The following BAIAP2 variants were observed in gnomAD, a reference collection of about 807,000 sequenced individuals.
The protein encoded by BAIAP2 is BAR/IMD domain-containing adapter protein 2.
Under a neutral mutation model 63.0 loss-of-function variants are expected in BAIAP2, and 18 were observed. The observed-to-expected ratio is 0.29, with a 90% CI of 0.20 to 0.42. BAIAP2 has a LOEUF of 0.42. BAIAP2 is among the 10% of genes least tolerant of loss of function. The pLI is 1.00. For synonymous variants in BAIAP2, 386 were observed against 307.6 expected (o/e 1.25, Z -2.67); for missense variants, 610 against 734.3 (o/e 0.83, Z 1.96).
intron 6 of BAIAP2, 97 bp from the exon 7 acceptor site, chr17:81,099,831 G>A (rs965338716): frequency 3.2e-5 from 44 of 1,376,510 alleles, no homozygotes; most frequent in Non-Finnish European, 4.3e-5. Flanking sequence ...GCATGAATGA[G>A]ACGTGTCCTT....
intron 3 of BAIAP2, among the ~76,000 whole-genome samples, chr17:81,069,913 A>G (rs893860274): frequency 6.6e-6 from 1 of 152,162 alleles, no homozygotes; most frequent in Non-Finnish European, 1.5e-5. Context: ...TGTTGTACCC[A>G]GGAAGATTGG....
chr17:81,093,937 C>T (rs2057232533), intron 6 of BAIAP2, among the ~76,000 whole-genome samples: 1 of 151,278 alleles, frequency 6.6e-6, no homozygotes, highest in Admixed American at 6.6e-5. Flanking sequence ...AACCCCTCCC[C>T]CCCACCACCC....
chr17:81,057,969 T>TGGGGGGGGGGGGGGGGGG lies in BAIAP2; in HGVS notation c.217+3_217+4insGGGGGGGGGGGGGGGGGG. 2.1e-6 allele frequency: 2 copies of TGGGGGGGGGGGGGGGGGG among 964,862 alleles called. No homozygotes were observed. The highest frequency in any genetic ancestry group is 2.8e-6 in the Non-Finnish European group (2 of 713,582). The allele number at this position is 964,862 out of a possible 1,614,324, so 59.8% of individuals were successfully genotyped here. A position where few individuals can be genotyped will look rare whatever the true frequency, so the allele number is the denominator to read the frequency against. ...AGAGCCAGGGCTCCAAAGAACTCGG[T>TGGGGGGGGGGGGGGGGGG]GAGACCCCCCCCCCCCCCCCGCCTG... On this transcript the variant is annotated splice_region_variant and intron_variant, in intron 3 of 13. Transcript: ENST00000428708.
chr17:81,115,513 G>A (rs1380844442), intron 13 of BAIAP2, among the ~76,000 whole-genome samples: 1 of 151,586 alleles, frequency 6.6e-6, no homozygotes, highest in Non-Finnish European at 1.5e-5. Context: ...CACACTGCTG[G>A]GAGGGTGATG....
intron 3 of BAIAP2, among the ~76,000 whole-genome samples, chr17:81,069,369 G>A (rs1403698662): frequency 2.0e-5 from 3 of 152,130 alleles, no homozygotes; most frequent in Admixed American, 1.3e-4. Context: ...GAGGGGCGGC[G>A]CTCATGCCAT....
intron 6 of BAIAP2, chr17:81,098,085 G>A (rs2057938484): frequency 3.7e-6 from 5 of 1,335,598 alleles, no homozygotes; most frequent in Non-Finnish European, 4.8e-6. Context: ...GGCCAGCTGG[G>A]GTCATGGAGG....
chr17:81,113,079 T>G (rs1473576857), intron 13 of BAIAP2, among the ~76,000 whole-genome samples: 1 of 152,074 alleles, frequency 6.6e-6, no homozygotes, highest in Non-Finnish European at 1.5e-5. Context: ...ATTTAAAAAT[T>G]AGAAAAGCCA....
At chr17:81,091,271 C>T (rs1568150260) in intron 6 of BAIAP2, among the ~76,000 whole-genome samples, 1 of 148,454 alleles carries the variant, frequency 6.7e-6, no homozygotes, top group Non-Finnish European at 1.5e-5. Context: ...GTCCTGGGGC[C>T]TAGGTTGTCA....
At chr17:81,048,503 GGGAGGAGGT>G (rs2048172608) in intron 1 of BAIAP2, among the ~76,000 whole-genome samples, 1 of 152,176 alleles carries the variant, frequency 6.6e-6, no homozygotes, top group African/African-American at 2.4e-5. Context: ...TCCCCAAGTT[GGGAGGAGGT>G]GGAGATGACG....
In BAIAP2 at chr17:81,046,877, G is replaced by A. The variant is rs904570974; in HGVS notation, c.55-6791G>A. 2.0e-5 allele frequency among the ~76,000 whole-genome samples: 3 copies of A among 152,236 alleles called. No homozygotes were observed. The highest frequency in any genetic ancestry group is 7.2e-5 in the African/African-American group (3 of 41,470). On this transcript the variant is annotated intron_variant, in intron 1 of 13. Coordinates refer to ENST00000428708, the MANE Select transcript of BAIAP2 (RefSeq NM_001144888.2). The surrounding 1 kb of genome is among the most constrained non-coding windows in gnomAD (Gnocchi z 4.5). Reference sequence around the variant, plus strand: ...GCTGTGAGGTCCGTGTCTGTGTGTGGGGTCCTCATGCTGTGGCTGTGGTGG... The same window carrying A: ...GCTGTGAGGTCCGTGTCTGTGTGTGAGGTCCTCATGCTGTGGCTGTGGTGG...
intron 6 of BAIAP2, among the ~76,000 whole-genome samples, chr17:81,097,903 G>A (rs975759740): frequency 1.2e-4 from 19 of 152,320 alleles, no homozygotes; most frequent in Middle Eastern, 3.4e-3. Flanking sequence ...GTTTTGGGAT[G>A]GAAAGTTTCC....
Position 81,057,981 on chromosome 17 carries a change from C to CA in BAIAP2, c.217+14_217+15insA, listed in dbSNP as rs1568089788. The CA allele has an allele frequency of 3.4e-6, 4 of 1,188,098 alleles. 2 individuals are homozygous for CA. Among genetic ancestry groups the CA allele is most frequent in the Non-Finnish European group, 4.4e-6 (4 of 903,646 alleles). The allele number at this position is 1,188,098 out of a possible 1,614,324, so 73.6% of individuals were successfully genotyped here. A position where few individuals can be genotyped will look rare whatever the true frequency, so the allele number is the denominator to read the frequency against. ...CCAAAGAACTCGGTGAGACCCCCCC[C>CA]CCCCCCCCGCCTGGTAGTCGCCTGA... On this transcript the variant is annotated intron_variant, in intron 3 of 13. Coordinates refer to ENST00000428708, the MANE Select transcript of BAIAP2 (RefSeq NM_001144888.2).
chr17:81,107,150 C>T (rs1042165215), intron 12 of BAIAP2: 2 of 517,594 alleles, frequency 3.9e-6, no homozygotes, highest in East Asian at 7.0e-5. Context: ...CAGCCTGTCC[C>T]TCATGGTGCC....
intron 3 of BAIAP2, among the ~76,000 whole-genome samples, chr17:81,060,524 T>C (rs76156255): frequency 0.036 from 5,437 of 152,300 alleles, 144 homozygotes; most frequent in South Asian, 0.07. Flanking sequence ...GTGTCAGGGC[T>C]TCATTCCTGT....
At chr17:81,085,385 G>A in intron 4 of BAIAP2, 1 of 626,970 alleles carries the variant, frequency 1.6e-6, no homozygotes, top group South Asian at 1.7e-5. Context: ...GGACAGCAGA[G>A]GAAGGAGGGG....
In BAIAP2 at chr17:81,037,861, C is replaced by T. The variant is rs149792465; in HGVS notation, c.54+2553C>T. Among the ~76,000 whole-genome samples the T allele has an allele frequency of 3.1e-3, 479 of 152,366 alleles. 2 individuals are homozygous for T. The highest frequency in any genetic ancestry group is 6.7e-3 in the Admixed American group (103 of 15,314). ...TCCTTGGCCTTGGTGATTAAAAATG[C>T]GAGAATAAAAAGTGCAGTTTTGATT... On this transcript the variant is annotated intron_variant, in intron 1 of 13. Coordinates refer to ENST00000428708, the MANE Select transcript of BAIAP2 (RefSeq NM_001144888.2).
At chr17:81,050,758 CACATGCAT>C (rs2048551182) in intron 1 of BAIAP2, among the ~76,000 whole-genome samples, 1 of 150,320 alleles carries the variant, frequency 6.7e-6, no homozygotes, top group African/African-American at 2.4e-5. Context: ...CACACATGCA[CACATGCAT>C]GTGTGTATGC....
intron 1 of BAIAP2, among the ~76,000 whole-genome samples, chr17:81,042,860 A>G (rs1374901875): frequency 1.3e-5 from 2 of 151,312 alleles, no homozygotes; most frequent in Non-Finnish European, 2.9e-5. Context: ...TGCTGCTTCC[A>G]GGCGGGGCTT....
Position 81,058,173 on chromosome 17 carries a change from G to A in BAIAP2, c.217+206G>A, listed in dbSNP as rs1268622394. 4.6e-5 allele frequency among the ~76,000 whole-genome samples: 7 copies of A among 152,236 alleles called. No individual in the cohort carries two copies. In the East Asian group the frequency reaches 5.8e-4, roughly 13 times the overall value. ...GTGCTGGGTCCCCGTCCCCTGAGGCGTGCAGCCTGGGGTGAGGACAGCAGG... is the reference window on the plus strand; with the variant it reads ...GTGCTGGGTCCCCGTCCCCTGAGGCATGCAGCCTGGGGTGAGGACAGCAGG... On this transcript the variant is annotated intron_variant, in intron 3 of 13. Coordinates refer to ENST00000428708, the MANE Select transcript of BAIAP2 (RefSeq NM_001144888.2).
Sources: allele counts gnomAD v4.1 joint callset (sites outside exome capture counted in the v4.1 genomes callset), GRCh38; gene constraint gnomAD v4.1.1; non-coding constraint Gnocchi (gnomAD v3.1); transcripts MANE v1.5; gene names NCBI Gene and HGNC (gene_info 2026-07-23, HGNC 2026-07-21).